Variants in SNX24 observed in about 807,000 individuals in gnomAD.
SNX24 encodes sorting nexin-24.
SNX24 carries 22 observed loss-of-function variants against 28.7 expected under a neutral mutation model. That is an observed-to-expected ratio of 0.77 (90% CI 0.55 to 1.10). SNX24 has a LOEUF of 1.10. Among genes scored for constraint, SNX24 ranks in the 50% least tolerant of loss-of-function variants. SNX24 has a pLI of 0.00. For synonymous variants in SNX24, 69 were observed against 71.5 expected (o/e 0.96, Z 0.18); for missense variants, 221 against 201.1 (o/e 1.10, Z -0.60).
At chr5:123,010,918 T>TA (rs764753268), downstream of SNX24, among the ~76,000 whole-genome samples, 3,785 of 147,346 alleles carry the variant, frequency 0.026, 57 homozygotes, top group African/African-American at 0.033. Flanking sequence ...ATTCTCTTTT[T>TA]AAAAAAAAAA....
At chr5:123,009,300 C>G (rs1762513725), downstream of SNX24, 1 of 787,460 alleles carries the variant, frequency 1.3e-6, no homozygotes, top group African/African-American at 1.9e-5. Context: ...CACAAAACCT[C>G]TCACACATTC....
At chr5:122,908,163 G>T (rs1757729112) in intron 1 of SNX24, among the ~76,000 whole-genome samples, 1 of 152,224 alleles carries the variant, frequency 6.6e-6, no homozygotes, top group Non-Finnish European at 1.5e-5. Flanking sequence ...TGTGTACGGG[G>T]AGCAAAATGT....
intron 1 of SNX24, among the ~76,000 whole-genome samples, chr5:122,888,646 C>G (rs965095144): frequency 6.6e-6 from 1 of 152,170 alleles, no homozygotes; most frequent in African/African-American, 2.4e-5. Context: ...TACTTACTTT[C>G]TGCTGCCTCC....
At chr5:122,901,159 C>G (rs887517348) in intron 1 of SNX24, among the ~76,000 whole-genome samples, 5 of 149,070 alleles carry the variant, frequency 3.4e-5, no homozygotes, top group Non-Finnish European at 7.4e-5. Context: ...CAAGATTGTG[C>G]TATTGCACTC....
intron 1 of SNX24, among the ~76,000 whole-genome samples, chr5:122,905,241 A>C (rs939441027): frequency 1.3e-5 from 2 of 152,010 alleles, no homozygotes; most frequent in South Asian, 4.2e-4. Context: ...AGTGGAGTGA[A>C]GTGGGAGATT....
chr5:122,949,833 A>C (rs1043454946), intron 3 of SNX24, among the ~76,000 whole-genome samples: 6 of 152,238 alleles, frequency 3.9e-5, no homozygotes, highest in Non-Finnish European at 8.8e-5. Flanking sequence ...CCCTAGCTGA[A>C]TATCCAAGTA....
At position 122,945,953 on chromosome 5, in the gene SNX24, T is replaced by A. The variant is rs572855263; in HGVS notation, c.145-102T>A. 166 of 600,484 alleles carry A rather than the reference T, an allele frequency of 2.8e-4. No homozygotes were observed. In the South Asian group the frequency reaches 3.9e-3, roughly 14 times the overall value. The allele number at this position is 600,484 out of a possible 1,614,324, so 37.2% of individuals were successfully genotyped here. A position where few individuals can be genotyped will look rare whatever the true frequency, so the allele number is the denominator to read the frequency against. On this transcript the variant is annotated intron_variant, in intron 2 of 6. Transcript: ENST00000261369. ...ATTTTTTATTGCAGATAGCAGTAGT[T>A]CACTTTCTTTTATTGGCCTTTTTTC...
chr5:122,938,731 G>GTATAA, intron 2 of SNX24, among the ~76,000 whole-genome samples: 1 of 58,590 alleles, frequency 1.7e-5, no homozygotes, highest in African/African-American at 1.2e-4. Flanking sequence ...ACGAGGTCAG[G>GTATAA]AGATCGAGAC....
intron 1 of SNX24, among the ~76,000 whole-genome samples, chr5:122,897,646 ATATG>A (rs1757261396): frequency 6.6e-6 from 1 of 152,228 alleles, no homozygotes; most frequent in Non-Finnish European, 1.5e-5. Context: ...CGTGCAATGA[ATATG>A]TGTGTGTGCA....
At chr5:122,996,292 C>T (rs1004365379) in intron 3 of SNX24, among the ~76,000 whole-genome samples, 2 of 152,182 alleles carry the variant, frequency 1.3e-5, no homozygotes, top group African/African-American at 2.4e-5. Context: ...CAGCACCGGC[C>T]ACAGTGCATC....
intron 1 of SNX24, among the ~76,000 whole-genome samples, chr5:122,879,207 C>G (rs1214321618): frequency 2.0e-5 from 3 of 152,124 alleles, no homozygotes; most frequent in Non-Finnish European, 2.9e-5. Context: ...CAGGGTATCT[C>G]CATTTGGACC....
intron 1 of SNX24, among the ~76,000 whole-genome samples, chr5:122,883,912 C>G (rs575941926): frequency 1.3e-5 from 2 of 152,342 alleles, no homozygotes; most frequent in African/African-American, 4.8e-5. Flanking sequence ...ACCTTAGTCT[C>G]TCAAAGTGTT....
At chr5:122,884,350 C>G (rs1168489631) in intron 1 of SNX24, among the ~76,000 whole-genome samples, 1 of 139,662 alleles carries the variant, frequency 7.2e-6, no homozygotes, top group Non-Finnish European at 1.5e-5. Context: ...CTCCCTGGTT[C>G]AAGCGATTCT....
intron 3 of SNX24, among the ~76,000 whole-genome samples, chr5:122,981,874 C>T (rs1441368098): frequency 6.6e-6 from 1 of 152,170 alleles, no homozygotes; most frequent in Non-Finnish European, 1.5e-5. Flanking sequence ...CTCACTCATC[C>T]ATTTCAGGTT....
chr5:122,957,626 C>T lies in SNX24; in HGVS notation c.249+11467C>T, dbSNP rs980517274. On this transcript the variant is annotated intron_variant, in intron 3 of 6. Transcript: ENST00000261369. Reference sequence around the variant, plus strand: ...AGATCACTTTGGGTAATAGTGACATCTTAACAATTTCAGGTCTCCTAATCC... The same window carrying T: ...AGATCACTTTGGGTAATAGTGACATTTTAACAATTTCAGGTCTCCTAATCC... Among the ~76,000 whole-genome samples, 3 of 152,160 alleles carry T rather than the reference C, an allele frequency of 2.0e-5. No individual in the cohort carries two copies. The South Asian group carries it at 6.2e-4, about 32-fold the overall frequency.
At chr5:122,920,983 C>T (rs1310009006) in intron 1 of SNX24, among the ~76,000 whole-genome samples, 1 of 152,152 alleles carries the variant, frequency 6.6e-6, no homozygotes. Flanking sequence ...GCCTCAGCCT[C>T]CCAAAGTGCT....
In SNX24 at chr5:122,946,104, A is replaced by G; in HGVS notation, c.194A>G (p.Asn65Ser). The change falls in exon 3 of 7, where the codon AAC becomes AGC. Residue 65 changes from asparagine (N) to serine (S), a missense_variant. Physicochemically the swap from Asn to Ser is conservative, Grantham distance 46 (BLOSUM62 1). Coordinates refer to ENST00000261369, the MANE Select transcript of SNX24 (RefSeq NM_014035.4). ...TPEIPSKHVR[N>S]WVPKVLEQRR... ...GAAATCCCTTCTAAACATGTTAGGA[A>G]CTGGGTCCCCAAAGTCTTGGAACAG... 6.2e-7 allele frequency: 1 copy of G among 1,612,120 alleles called. No homozygotes were observed. Among genetic ancestry groups the G allele is most frequent in the East Asian group, 2.2e-5 (1 of 44,768 alleles).
rs778342861 is a variant in SNX24 at position 123,025,810 on chromosome 5, C to G, written n.384-3428C>G. ...ATCCCATCAATGACTTTTCCAAACA[C>G]CACATGTTTGCCGTCCAACCAGGTG... On this transcript the variant is annotated intron_variant and non_coding_transcript_variant, in intron 5 of 5. Coordinates refer to the SNX24 transcript ENST00000502387. 99 of 1,613,566 alleles carry G rather than the reference C, an allele frequency of 6.1e-5. No homozygotes were observed. The South Asian group carries it at 1.0e-3, about 17-fold the overall frequency.
intron 3 of SNX24, among the ~76,000 whole-genome samples, chr5:122,993,493 G>T (rs1196214528): frequency 6.6e-6 from 1 of 151,996 alleles, no homozygotes; most frequent in South Asian, 2.1e-4. Flanking sequence ...ATAGATACGG[G>T]GTTTCACTGT....
Sources: gnomAD v4.1 joint callset for allele counts (sites outside exome capture counted in the v4.1 genomes callset) on GRCh38, gnomAD v4.1.1 for gene constraint, MANE v1.5 for transcripts, NCBI Gene and HGNC (gene_info 2026-07-23, HGNC 2026-07-21) for gene names.